The following POGLUT3 variants were observed in gnomAD, a reference collection of about 807,000 sequenced individuals.
POGLUT3 encodes the protein KDEL (Lys-Asp-Glu-Leu) containing 2.
Under a neutral mutation model 54.3 loss-of-function variants are expected in POGLUT3, and 48 were observed. The ratio of observed to expected loss-of-function variants is 0.88; its 90% confidence interval spans 0.70 to 1.12. POGLUT3 has a LOEUF of 1.12. Among genes scored for constraint, POGLUT3 ranks in the 50% most tolerant of loss-of-function variants. POGLUT3 has a pLI of 0.00. For missense variants in POGLUT3, 629 were observed against 618.7 expected, an observed-to-expected ratio of 1.02 and a Z score of -0.18; for synonymous variants, 218 against 237.4, an observed-to-expected ratio of 0.92 and a Z score of 0.75.
At chr11:108,475,542 C>T (rs555629071) in intron 7 of POGLUT3, among the ~76,000 whole-genome samples, 2 of 147,924 alleles carry the variant, frequency 1.4e-5, no homozygotes, top group African/African-American at 2.5e-5. Flanking sequence ...TCTTGGCTCA[C>T]TGCAGCCTCC....
chr11:108,482,300 T>A, intron 3 of POGLUT3, 78 bp from the exon 4 acceptor site: 1 of 1,013,100 alleles, frequency 9.9e-7, no homozygotes, highest in Non-Finnish European at 1.5e-6. Context: ...TCTTTGGTTT[T>A]CTTACATATT....
At chr11:108,478,314 G>A (rs2093586120) in intron 6 of POGLUT3, among the ~76,000 whole-genome samples, 1 of 151,998 alleles carries the variant, frequency 6.6e-6, no homozygotes, top group Non-Finnish European at 1.5e-5. Context: ...TCCCCACAGT[G>A]CAACAACCCA....
rs1263283385 is a variant in POGLUT3 at position 108,486,184 on chromosome 11, A to G, written c.657T>C (p.Asp219=). 2 of 1,611,856 alleles carry G rather than the reference A, an allele frequency of 1.2e-6. No homozygotes were observed. The highest frequency in any genetic ancestry group is 1.7e-6 in the Non-Finnish European group (2 of 1,178,156). The change falls in exon 3 of 8, where the codon GAT becomes GAC. Residue 219 remains aspartate, a synonymous_variant. Coordinates refer to ENST00000323468, the MANE Select transcript of POGLUT3 (RefSeq NM_153705.5). ...GKYTDFKMFS[D]EILLSLTRKV... is the part of the protein sequence containing the mutation. ...TTCTTGTCAATGATAACAAAATCTC[A>G]TCAGAGAACATCTTGAAGTCTGTGT...
At position 108,481,215 on chromosome 11, in the gene POGLUT3, T is replaced by C; in HGVS notation, c.1063A>G (p.Lys355Glu). The C allele has an allele frequency of 6.2e-7, 1 of 1,611,052 alleles. No homozygotes were observed. Among genetic ancestry groups the C allele is most frequent in the East Asian group, 2.2e-5 (1 of 44,798 alleles). ...TCAAAGAAACCCATCAACTTGGCTT[T>C]TCCAAGCTCCTTTTCTTTCTCTTGG... ...FFQEKEKELG[K>E]AKLMGFFDFF... The change falls in exon 5 of 8, where the codon AAA becomes GAA. Residue 355 changes from lysine to glutamate, a missense_variant. Transcript: ENST00000323468.
chr11:108,483,787 G>A (rs1229818297), intron 3 of POGLUT3, among the ~76,000 whole-genome samples: 2 of 152,092 alleles, frequency 1.3e-5, no homozygotes, highest in African/African-American at 4.8e-5. Flanking sequence ...TTGTGCCTCA[G>A]CCTCCCAAGT....
chr11:108,486,642 A>C, intron 2 of POGLUT3: 1 of 562,034 alleles, frequency 1.8e-6, no homozygotes, highest in Non-Finnish European at 3.1e-6. Context: ...ACAGTTTAGT[A>C]TATGCCCTCT....
chr11:108,485,262 T>C (rs1313818983), intron 3 of POGLUT3, among the ~76,000 whole-genome samples: 1 of 152,158 alleles, frequency 6.6e-6, no homozygotes, highest in Non-Finnish European at 1.5e-5. Context: ...TCAAGTCATT[T>C]TGAGGTGAAG....
intron 7 of POGLUT3, among the ~76,000 whole-genome samples, chr11:108,475,573 T>C (rs1474323714): frequency 6.7e-6 from 1 of 150,206 alleles, no homozygotes; most frequent in Non-Finnish European, 1.5e-5. Flanking sequence ...GCTCAAGTGA[T>C]CCTTACACCT....
chr11:108,475,469 G>GT lies in POGLUT3; in HGVS notation c.1399-518dup, dbSNP rs1288287741. Among the ~76,000 whole-genome samples, 1,028 of 130,954 alleles carry GT rather than the reference G, an allele frequency of 7.9e-3. 32 individuals carry two copies. Among genetic ancestry groups the GT allele is most frequent in the African/African-American group, 0.027 (915 of 33,682 alleles). The allele number at this position is 130,954 out of a possible 152,430, so 85.9% of individuals were successfully genotyped here. ...TATAAATGGAGTTTTTTTTGTTTTT[G>GT]TTTTTTTTTTTTTTTGAGACACGGT... On this transcript the variant is annotated intron_variant, in intron 7 of 7. Transcript: ENST00000323468.
chr11:108,498,159 C>A lies in POGLUT3; in HGVS notation c.202+6G>T. The A allele has an allele frequency of 6.6e-7, 1 of 1,507,856 alleles. No homozygotes were observed. Among genetic ancestry groups the A allele is most frequent in the East Asian group, 2.9e-5 (1 of 34,916 alleles). The allele number at this position is 1,507,856 out of a possible 1,614,324, so 93.4% of individuals were successfully genotyped here. ...GGGACGAGGGAGGCCGGCGGCTGGA[C>A]ACTACCTGCGGGAGAGCGAGTGAGG... On this transcript the variant is annotated splice_donor_region_variant and intron_variant, in intron 1 of 7. Transcript: ENST00000323468.
chr11:108,486,571 G>A, intron 2 of POGLUT3, 131 bp from the exon 3 acceptor site: 1 of 886,690 alleles, frequency 1.1e-6, no homozygotes, highest in Non-Finnish European at 1.7e-6. Context: ...CAAATCAGTG[G>A]TGTAAGTGAT....
At chr11:108,481,639 C>T (rs530310768) in intron 4 of POGLUT3, among the ~76,000 whole-genome samples, 7 of 152,182 alleles carry the variant, frequency 4.6e-5, no homozygotes, top group Non-Finnish European at 1.0e-4. Flanking sequence ...ATCCATTTGT[C>T]TGCTAGTGAA....
intron 2 of POGLUT3, among the ~76,000 whole-genome samples, chr11:108,490,220 T>C (rs562188285): frequency 9.9e-5 from 15 of 151,900 alleles, no homozygotes; most frequent in Non-Finnish European, 2.1e-4. Context: ...TTTTTTGAGA[T>C]GGAATCTCGC....
intron 1 of POGLUT3, among the ~76,000 whole-genome samples, chr11:108,497,822 A>G (rs1312283510): frequency 6.6e-6 from 1 of 152,120 alleles, no homozygotes; most frequent in African/African-American, 2.4e-5. Context: ...GCTCCCTGCA[A>G]TCCCTCACAG....
intron 2 of POGLUT3, 49 bp downstream of exon 2, chr11:108,490,921 A>G: frequency 6.9e-7 from 1 of 1,452,416 alleles, no homozygotes. Context: ...TCTGAAAGGC[A>G]TGGGACCTAC....
intron 1 of POGLUT3, among the ~76,000 whole-genome samples, chr11:108,493,701 G>C (rs1002894089): frequency 6.6e-6 from 1 of 151,324 alleles, no homozygotes; most frequent in Non-Finnish European, 1.5e-5. Context: ...CTACTCAGGA[G>C]GCTGAGGCAG....
At chr11:108,491,327 T>A in intron 1 of POGLUT3, 160 bp from the exon 2 acceptor site, 1 of 634,136 alleles carries the variant, frequency 1.6e-6, no homozygotes, top group Non-Finnish European at 2.7e-6. Context: ...GGCCAGGAAC[T>A]GTCATGTCTG....
At position 108,482,005 on chromosome 11, in the gene POGLUT3, C is replaced by T; in HGVS notation, c.901+1G>A. ...AATTAGCCTTGCATTTCCCTGAATA[C>T]CTGTATTTCCCTGAATAGAGAGGAG... On this transcript the variant is annotated splice_donor_variant, in intron 4 of 7. Coordinates refer to ENST00000323468, the MANE Select transcript of POGLUT3 (RefSeq NM_153705.5). LOFTEE classifies it high-confidence loss of function. The T allele has an allele frequency of 6.2e-7, 1 of 1,606,816 alleles. No homozygotes were observed.
chr11:108,491,147 C>T lies in POGLUT3; in HGVS notation c.223G>A (p.Val75Ile), dbSNP rs141921711. ...SPAGETPFKV[V>I]VKSLSPKELV... ...TCTTTAGGTGAAAGAGATTTGACTACGACTTTGAATGGTGTTTCACCTAAA... is the reference window on the plus strand; with the variant it reads ...TCTTTAGGTGAAAGAGATTTGACTATGACTTTGAATGGTGTTTCACCTAAA... The change falls in exon 2 of 8, where the codon GTA (valine) becomes ATA (isoleucine). Residue 75 changes from valine (V) to isoleucine (I), a missense_variant. Val to Ile is a conservative substitution (Grantham distance 29). Transcript: ENST00000323468. The T allele has an allele frequency of 5.5e-4, 880 of 1,613,516 alleles. 4 individuals are homozygous for T. In the African/African-American group the frequency reaches 1.0e-2, roughly 18 times the overall value.
Sources: gnomAD v4.1 joint callset for allele counts (sites outside exome capture counted in the v4.1 genomes callset) on GRCh38, gnomAD v4.1.1 for gene constraint, MANE v1.5 for transcripts, NCBI Gene and HGNC (gene_info 2026-07-23, HGNC 2026-07-21) for gene names.